The following CLASP1 variants were observed in gnomAD, a reference collection of about 807,000 sequenced individuals.
CLASP1 encodes the protein cytoplasmic linker associated protein 1.
A neutral mutation model predicts 192.3 loss-of-function variants in CLASP1; 38 were observed. The observed-to-expected ratio is 0.20, with a 90% CI of 0.15 to 0.26. The LOEUF (loss-of-function observed/expected upper bound fraction) is 0.26. Ranked by LOEUF, CLASP1 falls within the 10% of genes least tolerant of loss-of-function variation. The pLI is 1.00. For synonymous variants in CLASP1, 691 were observed against 712.8 expected, an observed-to-expected ratio of 0.97 and a Z score of 0.49; for missense variants, 1,433 against 1,932.5, an observed-to-expected ratio of 0.74 and a Z score of 4.85.
intron 2 of CLASP1, among the ~76,000 whole-genome samples, chr2:121,597,486 G>A (rs1254567277): frequency 6.6e-6 from 1 of 152,154 alleles, no homozygotes; most frequent in African/African-American, 2.4e-5. Flanking sequence ...GTGTGTGTAT[G>A]TGTAATATAG....
intron 1 of CLASP1, among the ~76,000 whole-genome samples, chr2:121,606,716 T>A (rs1336523511): frequency 6.6e-6 from 1 of 152,114 alleles, no homozygotes; most frequent in Non-Finnish European, 1.5e-5. Context: ...ATGGAGTAAG[T>A]GGTAGCCTCC....
intron 14 of CLASP1, among the ~76,000 whole-genome samples, chr2:121,457,438 C>G (rs1292479370): frequency 6.7e-6 from 1 of 149,122 alleles, no homozygotes; most frequent in African/African-American, 2.6e-5. Flanking sequence ...CACCCAAACT[C>G]ACTTTCTCTC....
At chr2:121,426,010 T>C (rs2080306416) in intron 21 of CLASP1, among the ~76,000 whole-genome samples, 1 of 151,992 alleles carries the variant, frequency 6.6e-6, no homozygotes, top group African/African-American at 2.4e-5. Flanking sequence ...TCAGGCATGG[T>C]GGTACATGCC....
Position 121,382,342 on chromosome 2 carries a change from G to C in CLASP1, c.3375-18C>G, listed in dbSNP as rs541225339. On this transcript the variant is annotated intron_variant, in intron 32 of 39. Coordinates refer to ENST00000263710, the Ensembl canonical transcript of CLASP1. ...ATAACCGACTGCAGTGATCAGAAGA[G>C]GAAAATCAGAGAGAGAAATACAAAA... 1.9e-5 allele frequency: 28 copies of C among 1,476,068 alleles called. No individual in the cohort carries two copies. The South Asian group carries it at 3.4e-4, about 18-fold the overall frequency. The allele number at this position is 1,476,068 out of a possible 1,614,324, so 91.4% of individuals were successfully genotyped here. A position where few individuals can be genotyped will look rare whatever the true frequency, so the allele number is the denominator to read the frequency against.
Position 121,634,806 on chromosome 2 carries a change from T to TAGG in CLASP1, c.-286+14563_-286+14565dup, listed in dbSNP as rs2070488422. On this transcript the variant is annotated intron_variant, in intron 1 of 39. Coordinates refer to ENST00000263710, the Ensembl canonical transcript of CLASP1. Reference sequence around the variant, plus strand: ...TTTTAGAGGGCCATCTTCCTCAGAATAGGATCCCATGCCTGGAGGATAATT... The same window carrying TAGG: ...TTTTAGAGGGCCATCTTCCTCAGAATAGGAGGATCCCATGCCTGGAGGATAATT... Among the ~76,000 whole-genome samples, 8 of 152,300 alleles carry TAGG rather than the reference T, an allele frequency of 5.3e-5. No homozygotes were observed. The South Asian group carries it at 1.7e-3, about 32-fold the overall frequency.
At chr2:121,496,967 C>G (rs1444693335) in intron 8 of CLASP1, among the ~76,000 whole-genome samples, 1 of 152,014 alleles carries the variant, frequency 6.6e-6, no homozygotes, top group East Asian at 1.9e-4. Context: ...TAAAATAAGC[C>G]AAGCACAGAA....
At chr2:121,457,720 C>T (rs777665341) in exon 14 of CLASP1, 4 of 1,613,228 alleles carry the variant, frequency 2.5e-6, no homozygotes, top group Non-Finnish European at 2.5e-6. Flanking sequence ...GGTACAGTTG[C>T]TTGTTATGAC....
intron 2 of CLASP1, among the ~76,000 whole-genome samples, chr2:121,576,009 T>A (rs1408148655): frequency 6.6e-6 from 1 of 152,222 alleles, no homozygotes; most frequent in Non-Finnish European, 1.5e-5. Flanking sequence ...CCCTGACGGA[T>A]AGGCCTCTAT....
chr2:121,531,593 CAAAA>C (rs35331131), intron 2 of CLASP1, among the ~76,000 whole-genome samples: 10 of 103,994 alleles, frequency 9.6e-5, no homozygotes, highest in Non-Finnish European at 9.5e-5. Context: ...GACTCCATCT[CAAAA>C]AAAAAAAAAA....
At chr2:121,582,054 G>T (rs13010367) in intron 2 of CLASP1, among the ~76,000 whole-genome samples, 38,109 of 151,484 alleles carry the variant, frequency 0.25, 7,619 homozygotes, top group African/African-American at 0.55. Flanking sequence ...TCCCAGCTAC[G>T]TGGGAGGCTG....
At chr2:121,427,283 C>T (rs2080572776) in intron 21 of CLASP1, 121 bp downstream of exon 21, 12 of 1,234,566 alleles carry the variant, frequency 9.7e-6, no homozygotes, top group South Asian at 4.7e-5. Flanking sequence ...CAAAGAAAAA[C>T]GCAGAAAGAT....
At chr2:121,541,176 T>C (rs993201784) in intron 2 of CLASP1, among the ~76,000 whole-genome samples, 22 of 152,274 alleles carry the variant, frequency 1.4e-4, no homozygotes, top group African/African-American at 4.3e-4. Context: ...GGTCTGCTCA[T>C]TGAGCAAAGA....
intron 1 of CLASP1, among the ~76,000 whole-genome samples, chr2:121,612,190 G>A (rs970836668): frequency 6.6e-6 from 1 of 151,412 alleles, no homozygotes; most frequent in Non-Finnish European, 1.5e-5. Context: ...GGATGAGGAG[G>A]AGGAGTTACA....
chr2:121,585,200 A>G (rs191574853), intron 2 of CLASP1, among the ~76,000 whole-genome samples: 63 of 152,324 alleles, frequency 4.1e-4, no homozygotes, highest in South Asian at 6.2e-4. Flanking sequence ...TAACTTTTCA[A>G]TTATAAATTG....
chr2:121,596,126 CTAAT>C (rs1207709251), intron 2 of CLASP1, among the ~76,000 whole-genome samples: 5 of 152,190 alleles, frequency 3.3e-5, no homozygotes, highest in African/African-American at 1.2e-4. Flanking sequence ...AGAAATGCCA[CTAAT>C]TACATACATC....
At chr2:121,596,721 T>A (rs1305282366) in intron 2 of CLASP1, among the ~76,000 whole-genome samples, 1 of 152,206 alleles carries the variant, frequency 6.6e-6, no homozygotes, top group East Asian at 1.9e-4. Flanking sequence ...TGGTTCTTCA[T>A]AACCCTCTTT....
Position 121,576,722 on chromosome 2 carries a change from T to G in CLASP1, c.195+28979A>C, listed in dbSNP as rs143699840. Among the ~76,000 whole-genome samples the G allele has an allele frequency of 2.0e-3, 312 of 152,320 alleles. 1 individual carries two copies. Among genetic ancestry groups the G allele is most frequent in the African/African-American group, 6.0e-3 (249 of 41,570 alleles). ...TATATTAATACTAAAAAGATCCTCT[T>G]TCTTTTGGAGACTGGTAGACACTAA... On this transcript the variant is annotated intron_variant, in intron 2 of 39. Coordinates refer to ENST00000263710, the Ensembl canonical transcript of CLASP1.
intron 8 of CLASP1, among the ~76,000 whole-genome samples, chr2:121,474,957 G>C (rs1233099354): frequency 1.6e-4 from 25 of 152,114 alleles, no homozygotes; most frequent in Admixed American, 1.6e-3. Flanking sequence ...TGAGCTGAAG[G>C]CCTAATAGCC....
intron 2 of CLASP1, among the ~76,000 whole-genome samples, chr2:121,571,566 ACATGGTCTGG>A (rs372911920): frequency 6.6e-6 from 1 of 152,160 alleles, no homozygotes; most frequent in African/African-American, 2.4e-5. Context: ...ACAAAGCAAA[ACATGGTCTGG>A]CAAAGTGTGG....
Sources: allele counts gnomAD v4.1 joint callset (sites outside exome capture counted in the v4.1 genomes callset), GRCh38; gene constraint gnomAD v4.1.1; transcripts MANE v1.5; gene names NCBI Gene and HGNC (gene_info 2026-07-23, HGNC 2026-07-21).